DIP2C: variants seen among roughly 807,000 people sequenced by gnomAD.
The protein encoded by DIP2C is disco-interacting protein 2 homolog C.
In DIP2C, 33 loss-of-function variants were observed where a neutral mutation model predicts 192.4. The observed-to-expected ratio is 0.17, with a 90% CI of 0.13 to 0.23. The LOEUF is 0.23. Among genes scored for constraint, DIP2C ranks in the 10% least tolerant of loss-of-function variants. DIP2C has a pLI of 1.00. For synonymous variants in DIP2C, 979 were observed against 864.1 expected, an observed-to-expected ratio of 1.13 and a Z score of -2.33; for missense variants, 1,537 against 2,110.1, an observed-to-expected ratio of 0.73 and a Z score of 5.32.
Position 393,504 on chromosome 10 carries a change from G to A in DIP2C, c.1261-2641C>T, listed in dbSNP as rs77078068. ...AATTAAAACCACAGGGAAGCCAGGC[G>A]CGATGGCTCAGGCCTGTAATCCCAG... On this transcript the variant is annotated intron_variant, in intron 10 of 36. Coordinates refer to ENST00000280886, the MANE Select transcript of DIP2C (RefSeq NM_014974.3). Among the ~76,000 whole-genome samples the A allele has an allele frequency of 3.6e-3, 550 of 152,278 alleles. 3 individuals are homozygous for A. Among genetic ancestry groups the A allele is most frequent in the Non-Finnish European group, 4.4e-3 (298 of 68,024 alleles).
rs554386868 is a variant in DIP2C, at chr10:329,175, C to T, written c.3753+258G>A. The stretch of plus-strand genomic sequence containing the variant: ...CCCAACAAAAAATCAAATTTAGGAT[C>T]TTTCAAGTAGACCCAGTGGAATGAC... On this transcript the variant is annotated intron_variant, in intron 30 of 36. Coordinates refer to ENST00000280886, the MANE Select transcript of DIP2C (RefSeq NM_014974.3). 3.8e-3 allele frequency among the ~76,000 whole-genome samples: 581 copies of T among 152,308 alleles called. 3 individuals are homozygous for T. The highest frequency in any genetic ancestry group is 5.9e-3 in the Non-Finnish European group (398 of 68,032).
rs1854816746 is a variant in DIP2C, at chr10:636,086, G to A, written c.85+53408C>T. ...CTTAATGACAATCCACACTACATGT[G>A]TGTTTCCAGCATCAACCTGTGCTCA... is the stretch of plus-strand genomic sequence containing the variant. On this transcript the variant is annotated intron_variant, in intron 1 of 36. Transcript: ENST00000280886. The surrounding 1 kb of genome is among the most constrained non-coding windows in gnomAD (Gnocchi z 4.6). 6.6e-6 allele frequency among the ~76,000 whole-genome samples: 1 copy of A among 152,202 alleles called. No homozygotes were observed. The highest frequency in any genetic ancestry group is 6.5e-5 in the Admixed American group (1 of 15,290).
chr10:472,146 A>G (rs181989698), intron 3 of DIP2C, among the ~76,000 whole-genome samples: 1 of 152,246 alleles, frequency 6.6e-6, no homozygotes, highest in Non-Finnish European at 1.5e-5. Flanking sequence ...CCACGATTAA[A>G]AAGTTATTTA....
intron 32 of DIP2C, 97 bp downstream of exon 32, chr10:309,934 T>C: frequency 1.7e-6 from 2 of 1,187,698 alleles, no homozygotes; most frequent in South Asian, 2.6e-5. Context: ...CAGATAAACA[T>C]CGTGTGCACC....
chr10:364,561 C>T lies in DIP2C; in HGVS notation c.2290G>A (p.Gly764Arg), dbSNP rs188555552. 2.7e-5 allele frequency: 44 copies of T among 1,613,990 alleles called. No individual in the cohort carries two copies. The Admixed American group carries it at 4.5e-4, about 16-fold the overall frequency. Residue 764 changes from glycine (G) to arginine (R), a missense_variant, in exon 20 of 37, where the codon GGG becomes AGG. By Grantham distance (125) the Gly-to-Arg change is moderately radical. Around this residue, in one of 4 missense-constraint regions of DIP2C, gnomAD observed 677 missense variants for 989.9 expected, o/e 0.68. Transcript: ENST00000280886. ...AATGGGTATTCACTGATCGGAGCCC[C>T]GGAGCTTGTCATGGGAAACACCTGG... ...TFEVFPMTSS[G>R]APISEYPFIR... is the part of the protein sequence containing the mutation.
At chr10:576,777 C>A (rs147148015) in intron 1 of DIP2C, among the ~76,000 whole-genome samples, 1 of 152,020 alleles carries the variant, frequency 6.6e-6, no homozygotes, top group Admixed American at 6.6e-5. Flanking sequence ...CATGGTGGCA[C>A]GCGCCTGTAA....
intron 18 of DIP2C, among the ~76,000 whole-genome samples, chr10:366,994 C>T (rs575920031): frequency 6.6e-6 from 1 of 152,308 alleles, no homozygotes; most frequent in Admixed American, 6.5e-5. Flanking sequence ...GAGCCAAGAG[C>T]CTCAGGCTTC....
At chr10:289,704 G>C (rs1955380391) in intron 32 of DIP2C, among the ~76,000 whole-genome samples, 2 of 152,230 alleles carry the variant, frequency 1.3e-5, no homozygotes, top group Non-Finnish European at 2.9e-5. Flanking sequence ...AGAAGCCTGA[G>C]TGTCTCCGGG....
chr10:382,451 T>A, intron 17 of DIP2C, 196 bp downstream of exon 17: 1 of 516,816 alleles, frequency 1.9e-6, no homozygotes, highest in Non-Finnish European at 3.4e-6. Context: ...GCGATAAATG[T>A]TTTTTAATGA....
chr10:400,019 A>G (rs1303725065), intron 9 of DIP2C, among the ~76,000 whole-genome samples: 1 of 152,212 alleles, frequency 6.6e-6, no homozygotes, highest in African/African-American at 2.4e-5. Flanking sequence ...TAAATTACCA[A>G]GTAATATTGG....
intron 10 of DIP2C, among the ~76,000 whole-genome samples, chr10:396,764 A>G (rs942938640): frequency 2.7e-5 from 4 of 149,114 alleles, no homozygotes; most frequent in African/African-American, 9.9e-5. Context: ...GGGGATGAGA[A>G]AGCACCTCAC....
intron 10 of DIP2C, among the ~76,000 whole-genome samples, chr10:391,898 T>C (rs1963485847): frequency 6.6e-6 from 1 of 152,156 alleles, no homozygotes; most frequent in Non-Finnish European, 1.5e-5. Context: ...ATTTAAAATT[T>C]CAAAGCTGTA....
At chr10:507,466 C>A (rs1461666293) in intron 1 of DIP2C, among the ~76,000 whole-genome samples, 1 of 151,534 alleles carries the variant, frequency 6.6e-6, no homozygotes, top group Non-Finnish European at 1.5e-5. Context: ...CGTGAGGTTA[C>A]GGACTTGGTC....
At chr10:431,598 G>C (rs762092098) in intron 4 of DIP2C, among the ~76,000 whole-genome samples, 1 of 152,098 alleles carries the variant, frequency 6.6e-6, no homozygotes, top group Non-Finnish European at 1.5e-5. Flanking sequence ...AATTCTACTT[G>C]TTCTTTGCTG....
intron 1 of DIP2C, among the ~76,000 whole-genome samples, chr10:513,482 C>A (rs1846158713): frequency 6.6e-6 from 1 of 152,180 alleles, no homozygotes; most frequent in Non-Finnish European, 1.5e-5. Flanking sequence ...GCCTCTCCTC[C>A]ACCGCGCCAC....
intron 1 of DIP2C, among the ~76,000 whole-genome samples, chr10:503,690 C>CCT (rs1845403906): frequency 6.6e-6 from 1 of 152,186 alleles, no homozygotes; most frequent in African/African-American, 2.4e-5. Flanking sequence ...GGCTCTTACC[C>CCT]CTCTGCTGTG....
At chr10:399,461 G>A (rs1044872806) in intron 9 of DIP2C, among the ~76,000 whole-genome samples, 1 of 152,142 alleles carries the variant, frequency 6.6e-6, no homozygotes, top group Non-Finnish European at 1.5e-5. Context: ...TTTATTTTCT[G>A]CATACTACCT....
chr10:427,635 T>C (rs1361613678), intron 4 of DIP2C, among the ~76,000 whole-genome samples: 1 of 152,196 alleles, frequency 6.6e-6, no homozygotes, highest in African/African-American at 2.4e-5. Flanking sequence ...GAATAGGAAT[T>C]AGCACATTAA....
At chr10:522,184 G>A (rs1471419856) in intron 1 of DIP2C, among the ~76,000 whole-genome samples, 1 of 152,134 alleles carries the variant, frequency 6.6e-6, no homozygotes, top group East Asian at 1.9e-4. Context: ...TCAGACAGCA[G>A]GCAGCCTTCC....
Sources: allele counts gnomAD v4.1 joint callset (sites outside exome capture counted in the v4.1 genomes callset), GRCh38; gene constraint gnomAD v4.1.1; regional missense constraint gnomAD v4.1.1; non-coding constraint Gnocchi (gnomAD v3.1); transcripts MANE v1.5; gene names NCBI Gene and HGNC (gene_info 2026-07-23, HGNC 2026-07-21).